Variants in COLEC12 observed in about 807,000 individuals in gnomAD.
COLEC12 encodes the protein collectin-12.
A neutral mutation model predicts 71.1 loss-of-function variants in COLEC12; 33 were observed. The observed-to-expected ratio is 0.46, with a 90% CI of 0.35 to 0.62. The LOEUF (loss-of-function observed/expected upper bound fraction) is 0.62. Ranked by LOEUF, COLEC12 falls within the 20% of genes least tolerant of loss-of-function variation. The pLI, the probability that COLEC12 is intolerant of heterozygous loss-of-function variation, is 0.00. For missense variants in COLEC12, 765 were observed against 916.1 expected (o/e 0.84, Z 2.13); for synonymous variants, 350 against 353.0 (o/e 0.99, Z 0.10).
intron 5 of COLEC12, among the ~76,000 whole-genome samples, chr18:337,748 G>A (rs1176334456): frequency 2.0e-5 from 3 of 152,242 alleles, no homozygotes; most frequent in South Asian, 4.1e-4. Context: ...CATTTTCTCA[G>A]GTTCCGCCAG....
Position 340,939 on chromosome 18 carries a change from A to G in COLEC12, c.1327+5356T>C, listed in dbSNP as rs577624436. Among the ~76,000 whole-genome samples, 74 of 152,300 alleles carry G rather than the reference A, an allele frequency of 4.9e-4. No homozygotes were observed. In the Middle Eastern group the frequency reaches 0.017, roughly 35 times the overall value. On this transcript the variant is annotated intron_variant, in intron 5 of 9. Transcript: ENST00000400256. ...AACCACTGTTTCTTGCCAATTGTCC[A>G]TGGTCTGCTTCTGAGCCTGTTAATG...
At position 327,027 on chromosome 18, in the gene COLEC12, G is replaced by C. The variant is rs935367588; in HGVS notation, c.2063+4641C>G. ...ACTCCAGAAAAGATCCTGCAGGCCA[G>C]CACAGAGGCTGGCTCATGGCAGACA... On this transcript the variant is annotated intron_variant, in intron 8 of 9. Transcript: ENST00000400256. The surrounding 1 kb of genome is among the most constrained non-coding windows in gnomAD (Gnocchi z 4.0). Among the ~76,000 whole-genome samples, 1 of 152,204 alleles carries C rather than the reference G, an allele frequency of 6.6e-6. No individual in the cohort carries two copies. The highest frequency in any genetic ancestry group is 2.4e-5 in the African/African-American group (1 of 41,446).
At chr18:332,232 C>T (rs916331946) in intron 7 of COLEC12, among the ~76,000 whole-genome samples, 1 of 152,210 alleles carries the variant, frequency 6.6e-6, no homozygotes, top group Admixed American at 6.5e-5. Context: ...TGGGCTTGGG[C>T]CCTGGTCTGT....
chr18:497,733 A>C (rs1300065130), intron 1 of COLEC12, among the ~76,000 whole-genome samples: 1 of 152,196 alleles, frequency 6.6e-6, no homozygotes, highest in Non-Finnish European at 1.5e-5. Context: ...TTATTCTAAG[A>C]ATTTACAAGG....
intron 1 of COLEC12, among the ~76,000 whole-genome samples, chr18:486,668 G>A (rs1032424240): frequency 6.6e-6 from 1 of 152,210 alleles, no homozygotes; most frequent in African/African-American, 2.4e-5. Context: ...TGAAGCCTGT[G>A]CTAGCAGCCG....
rs751929001 is a variant in COLEC12 at position 451,434 on chromosome 18, T to C, written c.58+29273A>G. On this transcript the variant is annotated intron_variant, in intron 2 of 9. Coordinates refer to ENST00000400256, the MANE Select transcript of COLEC12 (RefSeq NM_130386.3). ...TGGCCTGGCTGCTTCTAACAACCTATATTCATATGCATGAGCAAAGAAATG... is the reference window on the plus strand; with the variant it reads ...TGGCCTGGCTGCTTCTAACAACCTACATTCATATGCATGAGCAAAGAAATG... Among the ~76,000 whole-genome samples, 244 of 152,280 alleles carry C rather than the reference T, an allele frequency of 1.6e-3. 2 individuals carry two copies. The highest frequency in any genetic ancestry group is 2.9e-3 in the Non-Finnish European group (196 of 68,014).
At chr18:364,669 C>T (rs182323976) in intron 2 of COLEC12, among the ~76,000 whole-genome samples, 53 of 152,262 alleles carry the variant, frequency 3.5e-4, no homozygotes, top group Non-Finnish European at 5.6e-4. Flanking sequence ...AGAATTGAGC[C>T]AGACACTGAC....
chr18:334,817 C>A lies in COLEC12; in HGVS notation c.1741G>T (p.Gly581Cys). The change falls in exon 6 of 10, where the codon GGC becomes TGC. Residue 581 changes from glycine to cysteine, a missense_variant. Coordinates refer to ENST00000400256, the MANE Select transcript of COLEC12 (RefSeq NM_130386.3). ...ACCGCTCCTGATGGGCCAGGAGGGCCGGGGGGGCCCTTGGGGCCTGGCATG... is the reference window on the plus strand; with the variant it reads ...ACCGCTCCTGATGGGCCAGGAGGGCAGGGGGGGCCCTTGGGGCCTGGCATG... Reference protein sequence around the residue: ...PGMPGPKGPPGPPGPSGAVVP... With the variant: ...PGMPGPKGPPCPPGPSGAVVP... 1 of 1,519,138 alleles carries A rather than the reference C, an allele frequency of 6.6e-7. No homozygotes were observed. The highest frequency in any genetic ancestry group is 8.8e-7 in the Non-Finnish European group (1 of 1,141,194). The allele number at this position is 1,519,138 out of a possible 1,614,324, so 94.1% of individuals were successfully genotyped here.
Position 500,432 on chromosome 18 carries a change from G to A in COLEC12, c.7+76C>T. 4 of 848,804 alleles carry A rather than the reference G, an allele frequency of 4.7e-6. No homozygotes were observed. Among genetic ancestry groups the A allele is most frequent in the East Asian group, 8.4e-5 (1 of 11,910 alleles). 52.6% of individuals were successfully genotyped at this position (848,804 alleles called of 1,614,324 possible). ...GCCCAAGGGAAGGTTCGCGCGGGAG[G>A]CACCTCCGTGGCCTCCCGCGCGCCC... On this transcript the variant is annotated intron_variant, in intron 1 of 9. Transcript: ENST00000400256. The surrounding 1 kb of genome is among the most constrained non-coding windows in gnomAD (Gnocchi z 5.3).
chr18:474,625 C>G (rs950435037), intron 2 of COLEC12, among the ~76,000 whole-genome samples: 1 of 152,112 alleles, frequency 6.6e-6, no homozygotes, highest in Admixed American at 6.5e-5. Flanking sequence ...CAAGGAACTC[C>G]CTTTCTCGGC....
At chr18:416,625 G>A (rs62088033) in intron 2 of COLEC12, among the ~76,000 whole-genome samples, 34,767 of 151,864 alleles carry the variant, frequency 0.23, 4,729 homozygotes, top group East Asian at 0.42. Context: ...ATAAAGCTTT[G>A]GGACTCCTCC....
At chr18:325,088 G>A (rs910361997) in intron 8 of COLEC12, among the ~76,000 whole-genome samples, 1 of 152,166 alleles carries the variant, frequency 6.6e-6, no homozygotes, top group Non-Finnish European at 1.5e-5. Context: ...AGCTACTCAG[G>A]AGACTAAAGT....
rs575996335 is a variant in COLEC12 at position 483,327 on chromosome 18, G to A, written c.8-2570C>T. Among the ~76,000 whole-genome samples the A allele has an allele frequency of 1.5e-4, 22 of 151,598 alleles. No individual in the cohort carries two copies. In the South Asian group the frequency reaches 2.1e-3, roughly 14 times the overall value. On this transcript the variant is annotated intron_variant, in intron 1 of 9. Coordinates refer to ENST00000400256, the MANE Select transcript of COLEC12 (RefSeq NM_130386.3). ...AGGCAGAATCACTTGAATCCAGGAG[G>A]TGGAGTTTGCAGTGAGCCAAGATCA...
chr18:470,220 ATTTTTT>A lies in COLEC12; in HGVS notation c.58+10481_58+10486del, dbSNP rs71174234. 1.6e-4 allele frequency among the ~76,000 whole-genome samples: 15 copies of A among 92,382 alleles called. No homozygotes were observed. In the East Asian group the frequency reaches 2.3e-3, roughly 14 times the overall value. The allele number at this position is 92,382 out of a possible 152,430, so 60.6% of individuals were successfully genotyped here. A position where few individuals can be genotyped will look rare whatever the true frequency, so the allele number is the denominator to read the frequency against. ...TAGGTGGATCACTTGAGGCCAGGAA[ATTTTTT>A]TTTTTTTTTTTTTTTTTTTTTTTGA... On this transcript the variant is annotated intron_variant, in intron 2 of 9. Coordinates refer to ENST00000400256, the MANE Select transcript of COLEC12 (RefSeq NM_130386.3).
chr18:457,736 T>C lies in COLEC12; in HGVS notation c.58+22971A>G, dbSNP rs145260549. ...CAAGAGTTGCAAAATGTCTCAGCTG[T>C]TTCCGACTTTTTGCTCTTTGCAGCA... On this transcript the variant is annotated intron_variant, in intron 2 of 9. Coordinates refer to ENST00000400256, the MANE Select transcript of COLEC12 (RefSeq NM_130386.3). Among the ~76,000 whole-genome samples, 1,372 of 152,312 alleles carry C rather than the reference T, an allele frequency of 9.0e-3. 14 individuals carry two copies. Among genetic ancestry groups the C allele is most frequent in the Middle Eastern group, 0.037 (11 of 294 alleles).
At position 421,670 on chromosome 18, in the gene COLEC12, C is replaced by A. The variant is rs894273842; in HGVS notation, c.58+59037G>T. On this transcript the variant is annotated intron_variant, in intron 2 of 9. Coordinates refer to ENST00000400256, the MANE Select transcript of COLEC12 (RefSeq NM_130386.3). Reference sequence around the variant, plus strand: ...TGAAGCCACATTTGAAAGGACTCTGCCACCCAGACTGAAGCTGAGTGGCAC... The same window carrying A: ...TGAAGCCACATTTGAAAGGACTCTGACACCCAGACTGAAGCTGAGTGGCAC... Among the ~76,000 whole-genome samples, 6 of 152,232 alleles carry A rather than the reference C, an allele frequency of 3.9e-5. No individual in the cohort carries two copies. In the South Asian group the frequency reaches 6.2e-4, roughly 16 times the overall value.
chr18:367,585 T>G (rs555805599), intron 2 of COLEC12, among the ~76,000 whole-genome samples: 1 of 152,374 alleles, frequency 6.6e-6, no homozygotes, highest in South Asian at 2.1e-4. Context: ...ACAGTCATTC[T>G]GTTCCACATT....
intron 2 of COLEC12, among the ~76,000 whole-genome samples, chr18:392,606 GT>G (rs1289575407): frequency 6.6e-6 from 1 of 152,192 alleles, no homozygotes; most frequent in African/African-American, 2.4e-5. Context: ...CTGGACCCAG[GT>G]TTGTGCATCA....
At chr18:423,986 T>A (rs1916149871) in intron 2 of COLEC12, 1 of 152,092 alleles carries the variant, frequency 6.6e-6, no homozygotes, top group African/African-American at 2.4e-5. Context: ...TCCTTCCAAA[T>A]GGGAGGGAAA....
Sources: allele counts gnomAD v4.1 joint callset (sites outside exome capture counted in the v4.1 genomes callset), GRCh38; gene constraint gnomAD v4.1.1; non-coding constraint Gnocchi (gnomAD v3.1); transcripts MANE v1.5; gene names NCBI Gene and HGNC (gene_info 2026-07-23, HGNC 2026-07-21).